NXPE3: variants seen among roughly 807,000 people sequenced by gnomAD.
The protein encoded by NXPE3 is NXPE family member 3.
NXPE3 carries 26 observed loss-of-function variants against 46.1 expected under a neutral mutation model. The ratio of observed to expected loss-of-function variants is 0.56; its 90% CI spans 0.41 to 0.78. The LOEUF is 0.78. Ranked by LOEUF, NXPE3 falls within the 30% of genes least tolerant of loss-of-function variation. NXPE3 has a pLI of 0.00. For synonymous variants in NXPE3, 272 were observed against 257.9 expected (o/e 1.05, Z -0.52); for missense variants, 620 against 686.0 (o/e 0.90, Z 1.07).
intron 6 of NXPE3, 57 bp from the exon 7 acceptor site, chr3:101,816,738 T>A: frequency 7.4e-7 from 1 of 1,346,676 alleles, no homozygotes; most frequent in South Asian, 1.3e-5. Context: ...TTGGGACATT[T>A]TTCATCTATT....
At chr3:101,780,593 A>T (rs980839357) in intron 1 of NXPE3, among the ~76,000 whole-genome samples, 4 of 152,184 alleles carry the variant, frequency 2.6e-5, no homozygotes, top group African/African-American at 9.7e-5. Flanking sequence ...TCTTGGGCCT[A>T]TTCCTACAGA....
At position 101,825,716 on chromosome 3, in the gene NXPE3, A is replaced by G. The variant is rs77683585; in HGVS notation, c.*3762A>G. The G allele has an allele frequency of 2.3e-4, 35 of 152,356 alleles. No individual in the cohort carries two copies. The East Asian group carries it at 6.5e-3, about 28-fold the overall frequency. The allele number at this position is 152,356 out of a possible 1,614,324, so 9.4% of individuals were successfully genotyped here. A position where few individuals can be genotyped will look rare whatever the true frequency, so the allele number is the denominator to read the frequency against. ...TAGTTCTGCTACTGCAGTTTTCATT[A>G]TTAGATAAGTTGGTCATTATAGTTG... On this transcript the variant is annotated 3_prime_UTR_variant, in exon 8 of 8. Coordinates refer to ENST00000273347, the MANE Select transcript of NXPE3 (RefSeq NM_145037.4).
chr3:101,816,025 A>G (rs1272505263), intron 6 of NXPE3, among the ~76,000 whole-genome samples: 1 of 148,360 alleles, frequency 6.7e-6, no homozygotes, highest in Non-Finnish European at 1.5e-5. Flanking sequence ...TTAGCCAGGC[A>G]TGGTAATGCG....
In NXPE3 at chr3:101,821,512, G is replaced by T; in HGVS notation, c.1238G>T (p.Arg413Leu). Residue 413 changes from arginine to leucine, a missense_variant, in exon 8 of 8, where the codon CGC becomes CTC. Arg to Leu is a moderately radical substitution (Grantham distance 102). This residue lies in a region of NXPE3 where 511 missense variants were observed against 528.6 expected (regional missense o/e 0.97). Coordinates refer to ENST00000273347, the MANE Select transcript of NXPE3 (RefSeq NM_145037.4). ...TACCGCTGCCATGGTCCACCCATCC[G>T]CTTCACGACTGTCTTTAGCAATGAG... ...LKYRCHGPPI[R>L]FTTVFSNELH... is the part of the protein sequence containing the mutation. 2 of 1,614,118 alleles carry T rather than the reference G, an allele frequency of 1.2e-6. No individual in the cohort carries two copies. The highest frequency in any genetic ancestry group is 1.7e-6 in the Non-Finnish European group (2 of 1,180,014).
intron 4 of NXPE3, among the ~76,000 whole-genome samples, chr3:101,796,488 C>T (rs1041847361): frequency 6.6e-5 from 10 of 151,920 alleles, no homozygotes; most frequent in African/African-American, 1.5e-4. Context: ...GTCAGTTGGG[C>T]GAGGAAGAAA....
intron 6 of NXPE3, among the ~76,000 whole-genome samples, chr3:101,814,344 C>A (rs1941869461): frequency 6.6e-6 from 1 of 152,190 alleles, no homozygotes; most frequent in African/African-American, 2.4e-5. Flanking sequence ...TTGAACAAGC[C>A]TAGGAAATGT....
rs539557441 is a variant in NXPE3 at position 101,817,135 on chromosome 3, A to G, written c.1129+134A>G. The G allele has an allele frequency of 3.9e-4, 288 of 744,688 alleles. No homozygotes were observed. The African/African-American group carries it at 4.6e-3, about 12-fold the overall frequency. The allele number at this position is 744,688 out of a possible 1,614,324, so 46.1% of individuals were successfully genotyped here. On this transcript the variant is annotated intron_variant, in intron 7 of 7. Transcript: ENST00000273347. ...CTGTGTAGGACTAAAGAGGTACCCA[A>G]ACCCTGGAGAGATGTGTGACAGTTT...
chr3:101,780,994 TC>T (rs1160207931), intron 1 of NXPE3, among the ~76,000 whole-genome samples: 1 of 152,220 alleles, frequency 6.6e-6, no homozygotes, highest in Non-Finnish European at 1.5e-5. Flanking sequence ...TGGATGGGTC[TC>T]CAGTTCTTCA....
chr3:101,788,570 C>T (rs936142515), intron 4 of NXPE3, among the ~76,000 whole-genome samples: 22 of 152,154 alleles, frequency 1.4e-4, no homozygotes, highest in African/African-American at 4.8e-4. Context: ...GATGAAAACA[C>T]ATAAAATTTG....
At chr3:101,818,747 ATATATATTTT>A (rs1942103309) in intron 7 of NXPE3, among the ~76,000 whole-genome samples, 2 of 17,056 alleles carry the variant, frequency 1.2e-4, no homozygotes, top group Non-Finnish European at 2.1e-4. Flanking sequence ...ATATATATAT[ATATATATTTT>A]TTTTTTTTTT....
intron 7 of NXPE3, among the ~76,000 whole-genome samples, chr3:101,820,746 A>G (rs192278790): frequency 1.8e-3 from 273 of 152,332 alleles, no homozygotes; most frequent in African/African-American, 6.5e-3. Flanking sequence ...GCTGGAGGCT[A>G]TTATCTTTAG....
At position 101,826,416 on chromosome 3, in the gene NXPE3, C is replaced by G. The variant is rs933913529; in HGVS notation, c.*4462C>G. 3 of 152,156 alleles carry G rather than the reference C, an allele frequency of 2.0e-5. No homozygotes were observed. Among genetic ancestry groups the G allele is most frequent in the African/African-American group, 7.2e-5 (3 of 41,430 alleles). The allele number at this position is 152,156 out of a possible 1,614,324, so 9.4% of individuals were successfully genotyped here. On this transcript the variant is annotated 3_prime_UTR_variant, in exon 8 of 8. Transcript: ENST00000273347. ...AGCTAGTCACTAATGCCAGAAATTC[C>G]ACTTCAAGTGTATTTATTTTCTTGT...
rs1328811423 is a variant in NXPE3 at position 101,821,921 on chromosome 3, G to A, written c.1647G>A (p.Met549Ile). 2 of 1,614,002 alleles carry A rather than the reference G, an allele frequency of 1.2e-6. No homozygotes were observed. Among genetic ancestry groups the A allele is most frequent in the Non-Finnish European group, 1.7e-6 (2 of 1,179,822 alleles). ...DEVIVKNQLD[M>I]FLSFVCPLET ...TTATTGTGAAGAACCAGCTGGACAT[G>A]TTCTTGTCCTTTGTGTGCCCCTTGG... Residue 549 changes from methionine (M) to isoleucine (I), a missense_variant, in exon 8 of 8, where the codon ATG (methionine) becomes ATA (isoleucine). Transcript: ENST00000273347.
intron 3 of NXPE3, among the ~76,000 whole-genome samples, chr3:101,784,954 G>T (rs1434229627): frequency 1.3e-5 from 2 of 152,214 alleles, no homozygotes; most frequent in Non-Finnish European, 2.9e-5. Context: ...AGAATGTCAG[G>T]ATGCTTTGCA....
chr3:101,803,274 ACT>A (rs1941252527), intron 5 of NXPE3, among the ~76,000 whole-genome samples: 1 of 151,828 alleles, frequency 6.6e-6, no homozygotes, highest in Admixed American at 6.6e-5. Context: ...CTAAAATAAA[ACT>A]CTTCAGTTTT....
chr3:101,807,857 T>C (rs1182582067), intron 6 of NXPE3, among the ~76,000 whole-genome samples: 2 of 152,188 alleles, frequency 1.3e-5, no homozygotes, highest in Admixed American at 6.5e-5. Flanking sequence ...CTCAAAAAGT[T>C]GTGTTGGACA....
intron 4 of NXPE3, among the ~76,000 whole-genome samples, chr3:101,798,925 T>C (rs969154001): frequency 6.6e-6 from 1 of 151,898 alleles, no homozygotes. Context: ...CAGCCCAGTT[T>C]TAATTTATAT....
intron 7 of NXPE3, among the ~76,000 whole-genome samples, chr3:101,820,089 G>A (rs1942180622): frequency 6.6e-6 from 1 of 152,158 alleles, no homozygotes; most frequent in South Asian, 2.1e-4. Context: ...TTTCCCCAAA[G>A]AAGTATTTGG....
intron 6 of NXPE3, among the ~76,000 whole-genome samples, chr3:101,808,854 T>TATATACACATATATATGTAC: frequency 1.0e-5 from 1 of 100,346 alleles, no homozygotes; most frequent in African/African-American, 3.6e-5. Flanking sequence ...TATATATATA[T>TATATACACATATATATGTAC]ATGAGACATT....
Sources: allele counts gnomAD v4.1 joint callset (sites outside exome capture counted in the v4.1 genomes callset), GRCh38; gene constraint gnomAD v4.1.1; regional missense constraint gnomAD v4.1.1; transcripts MANE v1.5; gene names NCBI Gene and HGNC (gene_info 2026-07-23, HGNC 2026-07-21).